Variants in SLC17A1 observed in about 807,000 individuals in gnomAD.
SLC17A1 encodes sodium-dependent phosphate transport protein 1.
Under a neutral mutation model 53.5 loss-of-function variants are expected in SLC17A1, and 51 were observed. The observed-to-expected ratio is 0.95, with a 90% CI of 0.76 to 1.20. SLC17A1 has a LOEUF of 1.20. Among genes scored for constraint, SLC17A1 ranks in the 50% most tolerant of loss-of-function variants. SLC17A1 has a pLI of 0.00. For synonymous variants in SLC17A1, 179 were observed against 198.8 expected (o/e 0.90, Z 0.84); for missense variants, 538 against 568.2 (o/e 0.95, Z 0.54).
chr6:25,748,638 G>A, the SLC17A1 span, among the ~76,000 whole-genome samples: 2 of 152,090 alleles, frequency 1.3e-5, no homozygotes, highest in Non-Finnish European at 2.9e-5. Context: ...CACCGGCACC[G>A]GTCTCTGAGT....
the SLC17A1 span, chr6:25,768,882 T>C: frequency 9.3e-7 from 1 of 1,075,778 alleles, no homozygotes; most frequent in Non-Finnish European, 1.4e-6. Flanking sequence ...TCTCCCTATA[T>C]TTCTGCATCT....
At chr6:25,759,685 T>C in the SLC17A1 span, among the ~76,000 whole-genome samples, 3 of 152,204 alleles carry the variant, frequency 2.0e-5, no homozygotes, top group African/African-American at 7.2e-5. Context: ...AAAAAAAGAA[T>C]AGCTACTCCT....
chr6:25,745,539 G>A, the SLC17A1 span, among the ~76,000 whole-genome samples: 5 of 152,140 alleles, frequency 3.3e-5, no homozygotes, highest in African/African-American at 9.7e-5. Flanking sequence ...AAATTCACAC[G>A]TTTCCCAATG....
the SLC17A1 span, among the ~76,000 whole-genome samples, chr6:25,751,833 T>TA: frequency 8.6e-5 from 13 of 150,570 alleles, no homozygotes; most frequent in South Asian, 6.4e-4. Flanking sequence ...TATCCACTGT[T>TA]ACGGCAGAAG....
chr6:25,774,921 T>C, the SLC17A1 span, among the ~76,000 whole-genome samples: 6 of 152,236 alleles, frequency 3.9e-5, no homozygotes, highest in African/African-American at 1.2e-4. Flanking sequence ...TCCTTTCCAT[T>C]GTTTGGATTA....
Position 25,819,877 on chromosome 6 carries a change from G to A in SLC17A1, c.246C>T (p.Ile82=), listed in dbSNP as rs1020318645. 2 of 1,613,250 alleles carry A rather than the reference G, an allele frequency of 1.2e-6. No homozygotes were observed. The highest frequency in any genetic ancestry group is 2.7e-5 in the African/African-American group (2 of 74,880). Residue 82 remains isoleucine, a synonymous_variant, in exon 4 of 13, where the codon ATC becomes ATT. Transcript: ENST00000244527. ...MYNWSPDIQG[I]ILSSTSYGVI... is the part of the protein sequence containing the mutation. ...CACCATAGGAGGTGGAACTCAAGAT[G>A]ATTCCCTGGATATCTGGGCTCCAAT...
At chr6:25,804,168 C>T (rs1016680827) in intron 10 of SLC17A1, among the ~76,000 whole-genome samples, 2 of 152,008 alleles carry the variant, frequency 1.3e-5, no homozygotes, top group African/African-American at 4.8e-5. Context: ...CTATGAACAA[C>T]AATGTAGCTT....
intron 12 of SLC17A1, among the ~76,000 whole-genome samples, chr6:25,794,726 G>C (rs978287000): frequency 4.6e-5 from 7 of 152,158 alleles, no homozygotes; most frequent in African/African-American, 1.7e-4. Context: ...GGTGGAAAAA[G>C]CAGTTCCAGG....
intron 10 of SLC17A1, among the ~76,000 whole-genome samples, chr6:25,810,316 T>A (rs992958187): frequency 1.3e-5 from 2 of 152,024 alleles, no homozygotes; most frequent in Admixed American, 1.3e-4. Flanking sequence ...ATCAACAGAC[T>A]GAAGAGGCAA....
the SLC17A1 span, chr6:25,732,662 C>T: frequency 1.5e-6 from 2 of 1,336,700 alleles, no homozygotes; most frequent in African/African-American, 2.9e-5. Flanking sequence ...GAAGAAGACC[C>T]GCATCATCCC....
At chr6:25,731,851 C>T in the SLC17A1 span, 1 of 1,602,852 alleles carries the variant, frequency 6.2e-7, no homozygotes. Flanking sequence ...GCTAGTTCCC[C>T]AGGCAGCAGC....
At chr6:25,726,963 G>A in the SLC17A1 span, 1 of 1,614,124 alleles carries the variant, frequency 6.2e-7, no homozygotes, top group Admixed American at 1.7e-5. Context: ...CTTTAAGAAA[G>A]CTGTCGTTAA....
chr6:25,777,915 C>T, downstream of SLC17A1: 1 of 1,602,294 alleles, frequency 6.2e-7, no homozygotes, highest in Non-Finnish European at 8.5e-7. Flanking sequence ...AGTACCATCT[C>T]TCTCTCTCAG....
the SLC17A1 span, chr6:25,762,075 T>C: frequency 6.3e-7 from 1 of 1,598,640 alleles, no homozygotes; most frequent in Non-Finnish European, 8.6e-7. Context: ...CACAGTAATC[T>C]GGTAGTAAAT....
chr6:25,726,050 T>TA, the SLC17A1 span: 1 of 1,321,614 alleles, frequency 7.6e-7, no homozygotes, highest in Non-Finnish European at 1.0e-6. Flanking sequence ...CGTACAGCCT[T>TA]TTTCTGAGAC....
the SLC17A1 span, chr6:25,726,098 A>G: frequency 6.7e-7 from 1 of 1,487,104 alleles, no homozygotes; most frequent in Non-Finnish European, 8.9e-7. Flanking sequence ...GTTTTTTCTG[A>G]CACAGAAGTC....
intron 10 of SLC17A1, among the ~76,000 whole-genome samples, chr6:25,807,415 C>G (rs1763996100): frequency 6.6e-6 from 1 of 152,022 alleles, no homozygotes; most frequent in Non-Finnish European, 1.5e-5. Context: ...GACCATTATT[C>G]TAAGTGAAGT....
intron 6 of SLC17A1, 71 bp downstream of exon 6, chr6:25,818,996 TA>T (rs1764452496): frequency 1.1e-6 from 1 of 910,698 alleles, no homozygotes; most frequent in African/African-American, 1.7e-5. Context: ...ATTATTACAT[TA>T]TATTGGGTTT....
chr6:25,765,205 G>A, the SLC17A1 span, among the ~76,000 whole-genome samples: 1 of 152,224 alleles, frequency 6.6e-6, no homozygotes, highest in African/African-American at 2.4e-5. Flanking sequence ...GATAAAAAAA[G>A]AAATTGACAG....
Sources: allele counts gnomAD v4.1 joint callset (sites outside exome capture counted in the v4.1 genomes callset), GRCh38; gene constraint gnomAD v4.1.1; transcripts MANE v1.5; gene names NCBI Gene and HGNC (gene_info 2026-07-23, HGNC 2026-07-21).